Variants in VIPR2 observed in about 807,000 individuals in gnomAD.
VIPR2 encodes vasoactive intestinal polypeptide receptor 2.
Under a neutral mutation model 58.0 loss-of-function variants are expected in VIPR2, and 48 were observed. That is an observed-to-expected ratio of 0.83 (90% CI 0.66 to 1.05). The LOEUF is 1.05. VIPR2 is among the 50% of genes least tolerant of loss of function. VIPR2 has a pLI of 0.00. For missense variants in VIPR2, 534 were observed against 558.0 expected (o/e 0.96, Z 0.43); for synonymous variants, 243 against 235.2 (o/e 1.03, Z -0.30).
chr7:159,034,314 A>C lies in VIPR2; in HGVS notation c.880-10T>G, dbSNP rs1411524723. 1 of 1,612,966 alleles carries C rather than the reference A, an allele frequency of 6.2e-7. No individual in the cohort carries two copies. The highest frequency in any genetic ancestry group is 8.5e-7 in the Non-Finnish European group (1 of 1,179,280). Reference sequence around the variant, plus strand: ...AAAGGACAAAATTGACCTGCACAAGAGATAATAAGTTTGTGAAACAGACAC... The same window carrying C: ...AAAGGACAAAATTGACCTGCACAAGCGATAATAAGTTTGTGAAACAGACAC... On this transcript the variant is annotated splice_polypyrimidine_tract_variant and intron_variant, in intron 9 of 12. Coordinates refer to ENST00000262178, the MANE Select transcript of VIPR2 (RefSeq NM_003382.5).
intron 2 of VIPR2, among the ~76,000 whole-genome samples, chr7:159,140,472 G>A (rs1797419896): frequency 6.6e-6 from 1 of 152,208 alleles, no homozygotes; most frequent in Non-Finnish European, 1.5e-5. Flanking sequence ...CCAGGCTGAG[G>A]CCCCGGCATG....
At chr7:159,143,081 A>G (rs1369585308) in intron 1 of VIPR2, among the ~76,000 whole-genome samples, 2 of 152,250 alleles carry the variant, frequency 1.3e-5, no homozygotes, top group Non-Finnish European at 2.9e-5. Flanking sequence ...AGAAATCAGC[A>G]AGATGAGGAG....
intron 4 of VIPR2, among the ~76,000 whole-genome samples, chr7:159,083,346 C>T (rs372408178): frequency 4.6e-5 from 7 of 152,198 alleles, no homozygotes; most frequent in Non-Finnish European, 8.8e-5. Context: ...GTCCCATTTG[C>T]GAGGAATCTC....
chr7:159,123,391 G>A (rs963114364), intron 2 of VIPR2, among the ~76,000 whole-genome samples: 1 of 150,166 alleles, frequency 6.7e-6, no homozygotes, highest in African/African-American at 2.4e-5. Flanking sequence ...CCACTTACAA[G>A]TGAGAATGTG....
At chr7:159,074,812 ACT>A (rs566041430) in intron 4 of VIPR2, among the ~76,000 whole-genome samples, 112 of 152,224 alleles carry the variant, frequency 7.4e-4, no homozygotes, top group African/African-American at 2.6e-3. Flanking sequence ...ACACAGTGAG[ACT>A]CTGTCACAAT....
intron 2 of VIPR2, among the ~76,000 whole-genome samples, chr7:159,138,624 C>A (rs1347667208): frequency 2.0e-5 from 3 of 152,166 alleles, no homozygotes; most frequent in African/African-American, 7.2e-5. Flanking sequence ...CATTGTTACA[C>A]TGAAATACAA....
chr7:159,102,231 G>T (rs1341296565), intron 4 of VIPR2, among the ~76,000 whole-genome samples: 2 of 151,780 alleles, frequency 1.3e-5, no homozygotes, highest in African/African-American at 2.4e-5. Flanking sequence ...ATCCGATGAG[G>T]CGGTTCCGAC....
intron 4 of VIPR2, among the ~76,000 whole-genome samples, chr7:159,064,154 G>GAGC (rs1180548554): frequency 1.3e-5 from 2 of 152,040 alleles, no homozygotes; most frequent in Non-Finnish European, 2.9e-5. Context: ...GGCGCGGAGG[G>GAGC]AGCAGAAAGG....
intron 4 of VIPR2, among the ~76,000 whole-genome samples, chr7:159,063,609 A>G (rs1369827289): frequency 6.6e-6 from 1 of 150,796 alleles, no homozygotes; most frequent in Non-Finnish European, 1.5e-5. Flanking sequence ...GCGCTCCTCA[A>G]GCGCGGCCAG....
chr7:159,076,479 T>C (rs1036508916), intron 4 of VIPR2, among the ~76,000 whole-genome samples: 1 of 152,234 alleles, frequency 6.6e-6, no homozygotes, highest in African/African-American at 2.4e-5. Context: ...GCAAATTATT[T>C]TGTCTGCCAG....
At chr7:159,040,671 C>T (rs925765687) in intron 6 of VIPR2, among the ~76,000 whole-genome samples, 2 of 152,198 alleles carry the variant, frequency 1.3e-5, no homozygotes, top group African/African-American at 4.8e-5. Flanking sequence ...GGAGAATAAC[C>T]TTGGTTTGGT....
At chr7:159,046,525 C>A (rs1324074163) in intron 5 of VIPR2, among the ~76,000 whole-genome samples, 1 of 151,746 alleles carries the variant, frequency 6.6e-6, no homozygotes. Flanking sequence ...TTCCAGGAGC[C>A]GGAGGGTATG....
At chr7:159,068,950 G>C (rs1054310592) in intron 4 of VIPR2, among the ~76,000 whole-genome samples, 2 of 152,238 alleles carry the variant, frequency 1.3e-5, no homozygotes, top group Non-Finnish European at 2.9e-5. Context: ...ACAAACAGCA[G>C]AAAGAGAACT....
chr7:159,034,524 T>C, intron 9 of VIPR2, 57 bp downstream of exon 9: 2 of 1,519,128 alleles, frequency 1.3e-6, no homozygotes, highest in South Asian at 1.1e-5. Flanking sequence ...GCAGGCTTGC[T>C]GTCTGCCCAA....
chr7:159,054,066 C>G (rs913535226), intron 5 of VIPR2, among the ~76,000 whole-genome samples: 1 of 152,114 alleles, frequency 6.6e-6, no homozygotes, highest in African/African-American at 2.4e-5. Context: ...GACTCGAGGC[C>G]CCCACACATG....
intron 4 of VIPR2, among the ~76,000 whole-genome samples, chr7:159,073,950 G>C (rs1333924946): frequency 3.9e-5 from 6 of 152,200 alleles, no homozygotes; most frequent in African/African-American, 1.4e-4. Flanking sequence ...TCTGGGGGCT[G>C]ATGGAATCAG....
chr7:159,058,652 C>G (rs1321174395), intron 4 of VIPR2, 74 bp from the exon 5 acceptor site: 1 of 1,163,206 alleles, frequency 8.6e-7, no homozygotes, highest in Non-Finnish European at 1.3e-6. Context: ...GTTCCAGGAT[C>G]CAGCCCTGTG....
chr7:159,075,824 G>A (rs1181422088), intron 4 of VIPR2, among the ~76,000 whole-genome samples: 1 of 140,024 alleles, frequency 7.1e-6, no homozygotes, highest in Non-Finnish European at 1.5e-5. Context: ...CCACGGACCC[G>A]CTGCATCAGT....
At chr7:159,118,149 G>A (rs1349474027) in intron 2 of VIPR2, among the ~76,000 whole-genome samples, 2 of 152,150 alleles carry the variant, frequency 1.3e-5, no homozygotes, top group Non-Finnish European at 2.9e-5. Flanking sequence ...TTCCTGCTGG[G>A]GGGCTGCTGA....
Sources: gnomAD v4.1 joint callset for allele counts (sites outside exome capture counted in the v4.1 genomes callset) on GRCh38, gnomAD v4.1.1 for gene constraint, MANE v1.5 for transcripts, NCBI Gene and HGNC (gene_info 2026-07-23, HGNC 2026-07-21) for gene names.